KIF13B: variants seen among roughly 807,000 people sequenced by gnomAD.
The protein encoded by KIF13B is kinesin family member 13B, also known as kinesin-like protein KIF13B.
In KIF13B, 127 loss-of-function variants were observed where a neutral mutation model predicts 222.0. The observed-to-expected ratio is 0.57, with a 90% CI of 0.50 to 0.66. KIF13B has a LOEUF of 0.66. KIF13B is among the 30% of genes least tolerant of loss of function. KIF13B has a pLI of 0.00. For missense variants in KIF13B, 2,173 were observed against 2,379.0 expected, an observed-to-expected ratio of 0.91 and a Z score of 1.80; for synonymous variants, 976 against 919.0, an observed-to-expected ratio of 1.06 and a Z score of -1.12.
intron 25 of KIF13B, 106 bp downstream of exon 25, chr8:29,127,016 A>G (rs1810142029): frequency 1.0e-6 from 1 of 983,134 alleles, no homozygotes; most frequent in Non-Finnish European, 1.5e-6. Context: ...AAACAAAGAG[A>G]TTCACGGAAA....
intron 25 of KIF13B, 40 bp from the exon 26 acceptor site, chr8:29,126,551 T>C: frequency 8.2e-7 from 1 of 1,218,502 alleles, no homozygotes; most frequent in Non-Finnish European, 1.2e-6. Context: ...GAATTATTGA[T>C]TTATCCAAGA....
rs1807306777 is a variant in KIF13B, at chr8:29,071,948, G to A, written c.4890C>T (p.Pro1630=). ...EPPGPQQLVS[P]GRERPDLEAP... Reference sequence around the variant, plus strand: ...CCTCGAGGTCGGGGCGCTCCCGACCGGGGCTCACGAGCTGCTGGGGGCCAG... The same window carrying A: ...CCTCGAGGTCGGGGCGCTCCCGACCAGGGCTCACGAGCTGCTGGGGGCCAG... Residue 1630 remains proline, a synonymous_variant, in exon 39 of 40, where the codon CCC becomes CCT. Coordinates refer to ENST00000524189, the MANE Select transcript of KIF13B (RefSeq NM_015254.4). The surrounding 1 kb of genome is among the most constrained non-coding windows in gnomAD (Gnocchi z 4.9). 2.9e-6 allele frequency: 4 copies of A among 1,368,284 alleles called. No individual in the cohort carries two copies. The highest frequency in any genetic ancestry group is 3.3e-5 in the East Asian group (1 of 30,260). 84.8% of individuals were successfully genotyped at this position (1,368,284 alleles called of 1,614,324 possible).
chr8:29,223,164 C>CAAAAAAAAAA (rs375009923), intron 2 of KIF13B, among the ~76,000 whole-genome samples: 21 of 113,120 alleles, frequency 1.9e-4, no homozygotes, highest in Non-Finnish European at 2.1e-4. Context: ...CAAAAAAATA[C>CAAAAAAAAAA]AAAAAAAAAA....
intron 13 of KIF13B, among the ~76,000 whole-genome samples, chr8:29,159,084 A>C (rs754850913): frequency 6.6e-5 from 10 of 152,200 alleles, no homozygotes; most frequent in Non-Finnish European, 5.9e-5. Flanking sequence ...ATTCATATGA[A>C]TATCCCCAGC....
At chr8:29,078,087 A>T (rs530049507) in intron 37 of KIF13B, among the ~76,000 whole-genome samples, 1 of 142,584 alleles carries the variant, frequency 7.0e-6, no homozygotes, top group East Asian at 2.0e-4. Context: ...GTTTGGGACC[A>T]GCCTGGCCAA....
chr8:29,113,392 AG>A, intron 32 of KIF13B, 70 bp downstream of exon 32: 1 of 835,574 alleles, frequency 1.2e-6, no homozygotes, highest in Non-Finnish European at 1.9e-6. Context: ...TGTCATGGGT[AG>A]GTCACTTTTC....
At chr8:29,249,430 TAAAA>T (rs770545452) in intron 1 of KIF13B, among the ~76,000 whole-genome samples, 27 of 118,768 alleles carry the variant, frequency 2.3e-4, no homozygotes, top group African/African-American at 4.5e-4. Flanking sequence ...ACTCCGTCTT[TAAAA>T]AAAAAAAAAA....
chr8:29,092,724 T>C, intron 37 of KIF13B, 21 bp downstream of exon 37: 1 of 1,600,140 alleles, frequency 6.2e-7, no homozygotes, highest in Non-Finnish European at 8.5e-7. Context: ...CGTTCACAGC[T>C]GTTTTCTCGG....
At chr8:29,139,693 T>C (rs1311875805) in intron 21 of KIF13B, among the ~76,000 whole-genome samples, 1 of 152,196 alleles carries the variant, frequency 6.6e-6, no homozygotes, top group Non-Finnish European at 1.5e-5. Flanking sequence ...GGTTTAGGCC[T>C]TCTTCGCTTC....
intron 31 of KIF13B, 146 bp downstream of exon 31, chr8:29,116,685 G>T: frequency 1.7e-6 from 1 of 591,402 alleles, no homozygotes; most frequent in Non-Finnish European, 2.8e-6. Context: ...AGCAAGCATG[G>T]GTACAGGACA....
intron 35 of KIF13B, among the ~76,000 whole-genome samples, chr8:29,103,191 G>A (rs1306366552): frequency 6.7e-6 from 1 of 148,918 alleles, no homozygotes; most frequent in Non-Finnish European, 1.5e-5. Context: ...GCAGTGAGCC[G>A]AGATAGCGCC....
chr8:29,238,327 G>A (rs1397674284), intron 2 of KIF13B, among the ~76,000 whole-genome samples: 1 of 152,140 alleles, frequency 6.6e-6, no homozygotes, highest in South Asian at 2.1e-4. Flanking sequence ...GTATGGACAT[G>A]GGTCAAACTC....
At chr8:29,156,882 T>C (rs954249489) in intron 13 of KIF13B, among the ~76,000 whole-genome samples, 2 of 151,964 alleles carry the variant, frequency 1.3e-5, no homozygotes, top group Admixed American at 1.3e-4. Flanking sequence ...TCTGAAGATA[T>C]ATCAAATGGA....
intron 3 of KIF13B, among the ~76,000 whole-genome samples, chr8:29,191,358 T>C (rs1244271910): frequency 6.8e-6 from 1 of 146,140 alleles, no homozygotes; most frequent in African/African-American, 2.6e-5. Flanking sequence ...AAATTAGTGA[T>C]CTGTTTCATG....
chr8:29,146,542 T>C lies in KIF13B; in HGVS notation c.2025-2A>G. On this transcript the variant is annotated splice_acceptor_variant, in intron 17 of 39. Coordinates refer to ENST00000524189, the MANE Select transcript of KIF13B (RefSeq NM_015254.4). LOFTEE classifies it high-confidence loss of function. ...AGGCTGTTATTCAACGTTGCTTCTC[T>C]AAAAAAAAATAAAGAAGCGGCAGAG... is the stretch of plus-strand genomic sequence containing the variant. 1 of 1,572,220 alleles carries C rather than the reference T, an allele frequency of 6.4e-7. No individual in the cohort carries two copies. The highest frequency in any genetic ancestry group is 8.7e-7 in the Non-Finnish European group (1 of 1,151,224).
At position 29,081,038 on chromosome 8, in the gene KIF13B, C is replaced by A. The variant is rs116050008; in HGVS notation, c.4459-5695G>T. Among the ~76,000 whole-genome samples the A allele has an allele frequency of 9.4e-3, 1,429 of 152,336 alleles. 17 individuals carry two copies. The highest frequency in any genetic ancestry group is 0.032 in the African/African-American group (1,340 of 41,576). On this transcript the variant is annotated intron_variant, in intron 37 of 39. Coordinates refer to ENST00000524189, the MANE Select transcript of KIF13B (RefSeq NM_015254.4). The stretch of plus-strand genomic sequence containing the variant: ...ACCTTGCAGCTGCCAGGGTTTCCCA[C>A]TGCAGCAGACAGGGAAACGCTGGCA...
At chr8:29,231,286 C>T (rs1417836788) in intron 2 of KIF13B, among the ~76,000 whole-genome samples, 3 of 152,218 alleles carry the variant, frequency 2.0e-5, no homozygotes, top group Non-Finnish European at 4.4e-5. Flanking sequence ...ATAAATCTTA[C>T]ATTCAGAGAA....
chr8:29,226,148 A>G (rs1040553556), intron 2 of KIF13B, among the ~76,000 whole-genome samples: 3 of 152,188 alleles, frequency 2.0e-5, no homozygotes, highest in Non-Finnish European at 4.4e-5. Context: ...GTAACACCTG[A>G]GTAATTCCCA....
intron 18 of KIF13B, among the ~76,000 whole-genome samples, chr8:29,143,682 C>T (rs977235915): frequency 2.6e-5 from 4 of 151,962 alleles, no homozygotes; most frequent in African/African-American, 9.7e-5. Context: ...CCCGTCTCTA[C>T]TAAAAATACA....
Sources: allele counts gnomAD v4.1 joint callset (sites outside exome capture counted in the v4.1 genomes callset), GRCh38; gene constraint gnomAD v4.1.1; non-coding constraint Gnocchi (gnomAD v3.1); transcripts MANE v1.5; gene names NCBI Gene and HGNC (gene_info 2026-07-23, HGNC 2026-07-21).